The following ABCG1 variants were observed in gnomAD, a reference collection of about 807,000 sequenced individuals.
ABCG1 encodes the protein ATP-binding cassette sub-family G member 1.
A neutral mutation model predicts 69.2 loss-of-function variants in ABCG1; 29 were observed. The ratio of observed to expected loss-of-function variants is 0.42; its 90% CI spans 0.31 to 0.57. The LOEUF (loss-of-function observed/expected upper bound fraction) is 0.57. Among genes scored for constraint, ABCG1 ranks in the 20% least tolerant of loss-of-function variants. The pLI, the probability that ABCG1 is intolerant of heterozygous loss-of-function variation, is 0.15. For missense variants in ABCG1, 718 were observed against 898.1 expected (o/e 0.80, Z 2.56); for synonymous variants, 370 against 374.8 (o/e 0.99, Z 0.15).
In ABCG1 at chr21:42,291,018, T is replaced by A; in HGVS notation, c.1394-74T>A. The A allele has an allele frequency of 9.0e-7, 1 of 1,106,510 alleles. No homozygotes were observed. Among genetic ancestry groups the A allele is most frequent in the Non-Finnish European group, 1.4e-6 (1 of 731,414 alleles). 68.5% of individuals were successfully genotyped at this position (1,106,510 alleles called of 1,614,324 possible). ...GGGTTACCAGCCGCTCAGCTCAAGA[T>A]CGCCTGTTGGGATGTTAAACGGGCT... On this transcript the variant is annotated intron_variant, in intron 11 of 14. Coordinates refer to ENST00000398449, the MANE Select transcript of ABCG1 (RefSeq NM_016818.3). This position sits in a 1 kb window ranked among gnomAD's most constrained non-coding sequence, Gnocchi z 6.4.
chr21:42,224,964 T>C (rs868224094), intron 1 of ABCG1, among the ~76,000 whole-genome samples: 1 of 151,710 alleles, frequency 6.6e-6, no homozygotes, highest in African/African-American at 2.4e-5. Flanking sequence ...TTTTTATGAC[T>C]CAAATTCTGG....
At chr21:42,206,378 A>T (rs1427934188) in intron 2 of ABCG1, among the ~76,000 whole-genome samples, 3 of 146,696 alleles carry the variant, frequency 2.0e-5, no homozygotes, top group African/African-American at 7.9e-5. Context: ...AAATAAATAA[A>T]TAAATAAACA....
intron 13 of ABCG1, among the ~76,000 whole-genome samples, chr21:42,293,023 CCACACTA>C (rs761130567): frequency 1.3e-4 from 17 of 132,050 alleles, no homozygotes; most frequent in Non-Finnish European, 2.4e-4. Flanking sequence ...TACACACACA[CCACACTA>C]CACACTACAC....
chr21:42,292,130 C>T (rs924034748), intron 13 of ABCG1, among the ~76,000 whole-genome samples: 8 of 152,154 alleles, frequency 5.3e-5, no homozygotes, highest in East Asian at 1.9e-4. Context: ...CCCGACCTGC[C>T]GCCCACATGC....
At chr21:42,230,092 G>A (rs373203858) in intron 2 of ABCG1, among the ~76,000 whole-genome samples, 11 of 152,358 alleles carry the variant, frequency 7.2e-5, no homozygotes, top group East Asian at 3.9e-4. Context: ...GGAAACAGTA[G>A]CGGCATTTTT....
intron 4 of ABCG1, among the ~76,000 whole-genome samples, chr21:42,274,475 C>CTT (rs57783276): frequency 0.29 from 37,310 of 128,638 alleles, 6,308 homozygotes; most frequent in African/African-American, 0.48. Context: ...TTTCCAGGGC[C>CTT]TTTTTTTTTT....
At chr21:42,284,147 G>A (rs538310656) in intron 6 of ABCG1, among the ~76,000 whole-genome samples, 3 of 2,036 alleles carry the variant, frequency 1.5e-3, no homozygotes, top group Non-Finnish European at 2.5e-3. Flanking sequence ...AGTCCCCCCC[G>A]CCCAGATGAG....
chr21:42,292,851 ACTG>A (rs2146349213), intron 13 of ABCG1, among the ~76,000 whole-genome samples: 1 of 130,646 alleles, frequency 7.7e-6, no homozygotes, highest in Non-Finnish European at 1.6e-5. Context: ...CACAGTACAC[ACTG>A]CACACCACAC....
At chr21:42,261,583 G>T (rs1424123974) in intron 2 of ABCG1, among the ~76,000 whole-genome samples, 2 of 152,218 alleles carry the variant, frequency 1.3e-5, no homozygotes, top group Non-Finnish European at 2.9e-5. Flanking sequence ...GAGTCCCTCT[G>T]TGTATCGGGG....
chr21:42,291,085 C>A lies in ABCG1; in HGVS notation c.1394-7C>A. 1 of 1,611,454 alleles carries A rather than the reference C, an allele frequency of 6.2e-7. No individual in the cohort carries two copies. Among genetic ancestry groups the A allele is most frequent in the Non-Finnish European group, 8.5e-7 (1 of 1,177,650 alleles). ...TGACCCTTCTTTTTTGCTTTTCTAT[C>A]TCCTAGTTCCCCTGGAGATGGGAGT... is the stretch of plus-strand genomic sequence containing the variant. On this transcript the variant is annotated splice_region_variant and splice_polypyrimidine_tract_variant and intron_variant, in intron 11 of 14. Transcript: ENST00000398449. The surrounding 1 kb of genome is among the most constrained non-coding windows in gnomAD (Gnocchi z 6.4).
intron 13 of ABCG1, among the ~76,000 whole-genome samples, chr21:42,293,639 C>T: frequency 6.9e-6 from 1 of 145,166 alleles, no homozygotes; most frequent in East Asian, 2.1e-4. Context: ...CACACACACA[C>T]CACACACACT....
rs2067689164 is a variant in ABCG1 at position 42,219,667 on chromosome 21, C to G, written c.42+363C>G. Among the ~76,000 whole-genome samples the G allele has an allele frequency of 6.6e-6, 1 of 152,106 alleles. No individual in the cohort carries two copies. The highest frequency in any genetic ancestry group is 2.4e-5 in the African/African-American group (1 of 41,436). On this transcript the variant is annotated intron_variant, in intron 1 of 14. Coordinates refer to ENST00000398449, the MANE Select transcript of ABCG1 (RefSeq NM_016818.3). This position sits in a 1 kb window ranked among gnomAD's most constrained non-coding sequence, Gnocchi z 5.3. Reference sequence around the variant, plus strand: ...GAGCGCACTGGGGACTGGGGAGGGGCCGCAGCTTGGGCCGGAGGGAAGAGG... The same window carrying G: ...GAGCGCACTGGGGACTGGGGAGGGGGCGCAGCTTGGGCCGGAGGGAAGAGG...
chr21:42,223,057 A>T (rs2067755630), intron 1 of ABCG1, among the ~76,000 whole-genome samples: 1 of 152,162 alleles, frequency 6.6e-6, no homozygotes, highest in Non-Finnish European at 1.5e-5. Context: ...AAAACCCGTA[A>T]CCAAGTTGGC....
chr21:42,287,756 T>A lies in ABCG1; in HGVS notation c.974-133T>A, dbSNP rs2068970263. 2.2e-6 allele frequency: 2 copies of A among 900,490 alleles called. No homozygotes were observed. The highest frequency in any genetic ancestry group is 5.2e-5 in the Admixed American group (2 of 38,772). 55.8% of individuals were successfully genotyped at this position (900,490 alleles called of 1,614,324 possible). A position where few individuals can be genotyped will look rare whatever the true frequency, so the allele number is the denominator to read the frequency against. Reference sequence around the variant, plus strand: ...TGGTTGATAAATGATTTTGACGTCATGCCATTAGCACCGCCACGCAGCATC... The same window carrying A: ...TGGTTGATAAATGATTTTGACGTCAAGCCATTAGCACCGCCACGCAGCATC... On this transcript the variant is annotated intron_variant, in intron 8 of 14. Transcript: ENST00000398449. The surrounding 1 kb of genome is among the most constrained non-coding windows in gnomAD (Gnocchi z 6.2).
Position 42,268,816 on chromosome 21 carries a change from G to A in ABCG1, c.287-2254G>A, listed in dbSNP as rs557177190. On this transcript the variant is annotated intron_variant, in intron 2 of 14. Transcript: ENST00000398449. ...ACCTGTCCTGCTCTTCCCATGAGAG[G>A]GCCGAATGCTCCCAGCCTCCATGCC... 3.3e-5 allele frequency among the ~76,000 whole-genome samples: 5 copies of A among 152,198 alleles called. No homozygotes were observed. The South Asian group carries it at 1.0e-3, about 32-fold the overall frequency.
Position 42,287,061 on chromosome 21 carries a change from G to A in ABCG1, c.974-828G>A, listed in dbSNP as rs1431800223. The stretch of plus-strand genomic sequence containing the variant: ...GTAGCTGGCTCTGCCAGAGGGAAGT[G>A]CGGAAAAGGTAAGGGTGTTGGGGAG... On this transcript the variant is annotated intron_variant, in intron 8 of 14. Transcript: ENST00000398449. This position sits in a 1 kb window ranked among gnomAD's most constrained non-coding sequence, Gnocchi z 6.2. Among the ~76,000 whole-genome samples the A allele has an allele frequency of 6.6e-6, 1 of 152,244 alleles. No individual in the cohort carries two copies. Among genetic ancestry groups the A allele is most frequent in the Non-Finnish European group, 1.5e-5 (1 of 68,048 alleles).
At chr21:42,210,959 C>CTTCTTCT (rs772743532) in intron 2 of ABCG1, among the ~76,000 whole-genome samples, 11 of 137,380 alleles carry the variant, frequency 8.0e-5, no homozygotes, top group East Asian at 4.1e-4. Context: ...TTTCTTTCTT[C>CTTCTTCT]TTTTTTTTTT....
chr21:42,220,014 G>C (rs1174936818), intron 1 of ABCG1: 2 of 1,553,428 alleles, frequency 1.3e-6, no homozygotes, highest in Non-Finnish European at 1.7e-6. Context: ...GGATGGCGGG[G>C]TGTCGGCGAG....
chr21:42,261,014 G>A (rs931730042), intron 2 of ABCG1, among the ~76,000 whole-genome samples: 1 of 152,008 alleles, frequency 6.6e-6, no homozygotes, highest in Admixed American at 6.6e-5. Context: ...GTAGAGACAG[G>A]GTTTCACCAT....
Sources: gnomAD v4.1 joint callset for allele counts (sites outside exome capture counted in the v4.1 genomes callset) on GRCh38, gnomAD v4.1.1 for gene constraint, Gnocchi (gnomAD v3.1) non-coding constraint, MANE v1.5 for transcripts, NCBI Gene and HGNC (gene_info 2026-07-23, HGNC 2026-07-21) for gene names.